Variants in C1QTNF3 observed in about 807,000 individuals in gnomAD.
C1QTNF3 encodes the protein complement C1q tumor necrosis factor-related protein 3.
C1QTNF3 carries 26 observed loss-of-function variants against 32.6 expected under a neutral mutation model. The ratio of observed to expected loss-of-function variants is 0.80; its 90% CI spans 0.58 to 1.11. C1QTNF3 has a LOEUF of 1.11. C1QTNF3 is among the 50% of genes least tolerant of loss of function. The pLI is 0.00. For missense variants in C1QTNF3, 362 were observed against 398.2 expected (o/e 0.91, Z 0.77); for synonymous variants, 155 against 146.0 (o/e 1.06, Z -0.44).
chr5:34,116,121 G>A, the C1QTNF3 span, among the ~76,000 whole-genome samples: 4 of 151,678 alleles, frequency 2.6e-5, no homozygotes, highest in Non-Finnish European at 4.4e-5. Context: ...TAATTTCTTC[G>A]ACCCACTGCT....
chr5:34,090,563 G>T, the C1QTNF3 span, among the ~76,000 whole-genome samples: 1 of 152,020 alleles, frequency 6.6e-6, no homozygotes, highest in Admixed American at 6.5e-5. Context: ...ACAATATTAT[G>T]ATTGCTCTTC....
the C1QTNF3 span, among the ~76,000 whole-genome samples, chr5:34,211,337 G>C: frequency 6.6e-6 from 1 of 151,914 alleles, no homozygotes; most frequent in Non-Finnish European, 1.5e-5. Flanking sequence ...TAGGATCTTA[G>C]ATGAGTTTAT....
the C1QTNF3 span, among the ~76,000 whole-genome samples, chr5:34,128,812 T>TTGTCTTGAGCCTGAAACAA: frequency 6.6e-6 from 1 of 152,208 alleles, no homozygotes; most frequent in Non-Finnish European, 1.5e-5. Flanking sequence ...AAGGGACTTG[T>TTGTCTTGAGCCTGAAACAA]TTGTCTCAGA....
chr5:34,170,723 G>A, the C1QTNF3 span, among the ~76,000 whole-genome samples: 273 of 152,050 alleles, frequency 1.8e-3, no homozygotes, highest in Non-Finnish European at 2.8e-3. Flanking sequence ...AATTTCCTAC[G>A]GTGATAACAT....
the C1QTNF3 span, among the ~76,000 whole-genome samples, chr5:34,242,253 C>T: frequency 6.6e-6 from 1 of 152,118 alleles, no homozygotes; most frequent in Non-Finnish European, 1.5e-5. Context: ...CATCATACTA[C>T]CCAATTTCCA....
the C1QTNF3 span, among the ~76,000 whole-genome samples, chr5:34,213,816 TTTTTTTGTGTG>T: frequency 0.011 from 59 of 5,436 alleles, 8 homozygotes; most frequent in African/African-American, 0.014. Context: ...TATATTTTTT[TTTTTTTGTGTG>T]TGTGATGGAG....
chr5:34,102,994 C>A, the C1QTNF3 span, among the ~76,000 whole-genome samples: 1 of 146,310 alleles, frequency 6.8e-6, no homozygotes, highest in Admixed American at 7.0e-5. Flanking sequence ...AAAAATAAAA[C>A]AAAATGCCTC....
chr5:34,177,667 T>C, the C1QTNF3 span, among the ~76,000 whole-genome samples: 5 of 151,486 alleles, frequency 3.3e-5, no homozygotes, highest in African/African-American at 1.2e-4. Flanking sequence ...CTGTGTTTTC[T>C]TAGTAGAGAC....
chr5:34,039,508 C>T (rs973929757), intron 1 of C1QTNF3, among the ~76,000 whole-genome samples: 2 of 152,194 alleles, frequency 1.3e-5, no homozygotes, highest in African/African-American at 4.8e-5. Flanking sequence ...GGTAACAGCA[C>T]CTCCCTCAGG....
upstream of C1QTNF3, among the ~76,000 whole-genome samples, chr5:34,045,039 C>T (rs1158896948): frequency 6.6e-6 from 1 of 152,166 alleles, no homozygotes; most frequent in African/African-American, 2.4e-5. Flanking sequence ...AGCAGTGTCT[C>T]AGTGGGGGTG....
At chr5:34,051,998 C>T in the C1QTNF3 span, among the ~76,000 whole-genome samples, 5 of 152,178 alleles carry the variant, frequency 3.3e-5, no homozygotes, top group Non-Finnish European at 7.3e-5. Flanking sequence ...AACATGTACT[C>T]ATGGTGGCAG....
chr5:34,140,926 A>T, the C1QTNF3 span, among the ~76,000 whole-genome samples: 1 of 152,364 alleles, frequency 6.6e-6, no homozygotes, highest in East Asian at 1.9e-4. Flanking sequence ...TCAATTATAA[A>T]TTCCTGACCT....
the C1QTNF3 span, among the ~76,000 whole-genome samples, chr5:34,134,905 C>A: frequency 2.5e-4 from 38 of 152,104 alleles, no homozygotes; most frequent in African/African-American, 8.2e-4. Context: ...TAATTGAATA[C>A]CCTTTATTTC....
chr5:34,176,728 A>C, the C1QTNF3 span, among the ~76,000 whole-genome samples: 1 of 152,040 alleles, frequency 6.6e-6, no homozygotes, highest in Admixed American at 6.6e-5. Flanking sequence ...ATGGAGGCAC[A>C]CACCTGTGGT....
At chr5:34,118,361 G>A in the C1QTNF3 span, among the ~76,000 whole-genome samples, 1 of 152,172 alleles carries the variant, frequency 6.6e-6, no homozygotes, top group Non-Finnish European at 1.5e-5. Flanking sequence ...TTACAGGTGT[G>A]AGCCACCATG....
In C1QTNF3 at chr5:34,043,135, C is replaced by A; in HGVS notation, c.-10G>T. On this transcript the variant is annotated 5_prime_UTR_variant, in exon 1 of 6. Coordinates refer to ENST00000382065, the MANE Select transcript of C1QTNF3 (RefSeq NM_181435.6). ...GCTGCCTCCAAAGCATGATTCTCAA[C>A]AGAGCCTCAGAGTCTCCCTGAGAAG... 1 of 1,604,128 alleles carries A rather than the reference C, an allele frequency of 6.2e-7. No individual in the cohort carries two copies. The highest frequency in any genetic ancestry group is 8.5e-7 in the Non-Finnish European group (1 of 1,176,012).
chr5:34,102,854 G>A, the C1QTNF3 span, among the ~76,000 whole-genome samples: 1 of 152,356 alleles, frequency 6.6e-6, no homozygotes, highest in East Asian at 1.9e-4. Context: ...CTGGGGGAGG[G>A]ATAGCATTAG....
chr5:34,022,391 G>A (rs1195721864), intron 5 of C1QTNF3, among the ~76,000 whole-genome samples: 1 of 152,152 alleles, frequency 6.6e-6, no homozygotes, highest in Non-Finnish European at 1.5e-5. Flanking sequence ...ACAGAGAAAA[G>A]CAGATAAAGA....
chr5:34,172,350 T>C, the C1QTNF3 span, among the ~76,000 whole-genome samples: 2 of 151,392 alleles, frequency 1.3e-5, no homozygotes, highest in East Asian at 1.9e-4. Flanking sequence ...TCTCAAAATA[T>C]CTTGTTGTTA....
Sources: gnomAD v4.1 joint callset for allele counts (sites outside exome capture counted in the v4.1 genomes callset) on GRCh38, gnomAD v4.1.1 for gene constraint, MANE v1.5 for transcripts, NCBI Gene and HGNC (gene_info 2026-07-23, HGNC 2026-07-21) for gene names.